Variants in PCDHGA7 observed in about 807,000 individuals in gnomAD.
PCDHGA7 encodes the protein protocadherin gamma-A7.
Under a neutral mutation model 58.3 loss-of-function variants are expected in PCDHGA7, and 44 were observed. The observed-to-expected ratio is 0.75, with a 90% CI of 0.59 to 0.97. PCDHGA7 has a LOEUF of 0.97. PCDHGA7 is among the 50% of genes least tolerant of loss of function. PCDHGA7 has a pLI of 0.00. For synonymous variants in PCDHGA7, 516 were observed against 504.2 expected, an observed-to-expected ratio of 1.02 and a Z score of -0.31; for missense variants, 1,266 against 1,188.7, an observed-to-expected ratio of 1.06 and a Z score of -0.96.
intron 1 of PCDHGA7, chr5:141,400,300 C>T: frequency 6.2e-7 from 1 of 1,614,084 alleles, no homozygotes; most frequent in Non-Finnish European, 8.5e-7. Context: ...CTGCTTCCAA[C>T]CTGGTCTCTG....
At chr5:141,483,648 T>TTGTGTGTGTG (rs111458813) in intron 1 of PCDHGA7, among the ~76,000 whole-genome samples, 23 of 149,708 alleles carry the variant, frequency 1.5e-4, no homozygotes, top group African/African-American at 3.9e-4. Context: ...GGGTGTGTGT[T>TTGTGTGTGTG]TGTGTGTGTG....
chr5:141,499,037 G>A (rs912832519), intron 2 of PCDHGA7, among the ~76,000 whole-genome samples: 1 of 150,904 alleles, frequency 6.6e-6, no homozygotes, highest in South Asian at 2.1e-4. Context: ...AGAAAAGAAA[G>A]AAAAAGGGAG....
chr5:141,399,660 C>A lies in PCDHGA7; in HGVS notation c.2424+14337C>A, dbSNP rs988885728. 11 of 1,613,536 alleles carry A rather than the reference C, an allele frequency of 6.8e-6. No individual in the cohort carries two copies. The highest frequency in any genetic ancestry group is 9.3e-6 in the Non-Finnish European group (11 of 1,179,888). ...TGAGCGCGCAAAGTGGGGTGGTGTT[C>A]GCGCAGCGCGCCTTTGACTACGAGC... is the stretch of plus-strand genomic sequence containing the variant. On this transcript the variant is annotated intron_variant, in intron 1 of 3. Coordinates refer to ENST00000518325, the MANE Select transcript of PCDHGA7 (RefSeq NM_018920.4).
rs765756193 is a variant in PCDHGA7, at chr5:141,511,105, C to T, written c.2731C>T (p.Arg911Trp). The T allele has an allele frequency of 2.8e-5, 46 of 1,614,196 alleles. No individual in the cohort carries two copies. In the East Asian group the frequency reaches 3.1e-4, roughly 11 times the overall value. Residue 911 changes from arginine to tryptophan, a missense_variant, in exon 4 of 4, where the codon CGG becomes TGG. Transcript: ENST00000518325. ...CACACTGACCAACGCAGCTGGCAAG[C>T]GGGATGGCAAGGCCCCAGCAGGTGG... ...NATLTNAAGK[R>W]DGKAPAGGNG...
chr5:141,424,880 C>G (rs2096845847), intron 1 of PCDHGA7, among the ~76,000 whole-genome samples: 1 of 152,162 alleles, frequency 6.6e-6, no homozygotes, highest in Admixed American at 6.5e-5. Context: ...GGAAAGGAGA[C>G]TTATCTAGGG....
chr5:141,423,746 T>G, intron 1 of PCDHGA7: 2 of 384,794 alleles, frequency 5.2e-6, no homozygotes, highest in Non-Finnish European at 6.6e-6. Flanking sequence ...TTATGAAAAC[T>G]GTTTGGGGGG....
chr5:141,408,817 G>T (rs2095174337), intron 1 of PCDHGA7: 2 of 1,613,438 alleles, frequency 1.2e-6, no homozygotes, highest in Admixed American at 1.7e-5. Context: ...GGGAAGAACA[G>T]AGATCTCATA....
In PCDHGA7 at chr5:141,486,143, G is replaced by T; in HGVS notation, c.2425-8664G>T. On this transcript the variant is annotated intron_variant, in intron 1 of 3. Coordinates refer to ENST00000518325, the MANE Select transcript of PCDHGA7 (RefSeq NM_018920.4). This position sits in a 1 kb window ranked among gnomAD's most constrained non-coding sequence, Gnocchi z 5.0. ...CTATGAATTTGATGTGCGGGCTCGC[G>T]ATGGGGGTTCTCCAGCCATGGAGCA... 6.2e-7 allele frequency: 1 copy of T among 1,614,198 alleles called. No homozygotes were observed. Among genetic ancestry groups the T allele is most frequent in the Non-Finnish European group, 8.5e-7 (1 of 1,180,030 alleles).
chr5:141,443,820 T>C (rs1329478151), intron 1 of PCDHGA7, among the ~76,000 whole-genome samples: 1 of 151,986 alleles, frequency 6.6e-6, no homozygotes. Flanking sequence ...TTGGAAAACA[T>C]AATTAGGTAA....
At position 141,383,218 on chromosome 5, in the gene PCDHGA7, A is replaced by C; in HGVS notation, c.319A>C (p.Asn107His). ...AQSARCLVNF[N>H]ILMEDKMNLY... ...GAGTGCGCGGTGTCTGGTAAACTTT[A>C]ACATCCTGATGGAAGATAAAATGAA... Residue 107 changes from asparagine to histidine, a missense_variant, in exon 1 of 4, where the codon AAC (asparagine) becomes CAC (histidine). By Grantham distance (68) the Asn-to-His change is moderately conservative. Coordinates refer to ENST00000518325, the MANE Select transcript of PCDHGA7 (RefSeq NM_018920.4). 6.2e-7 allele frequency: 1 copy of C among 1,614,020 alleles called. No homozygotes were observed. Among genetic ancestry groups the C allele is most frequent in the Non-Finnish European group, 8.5e-7 (1 of 1,179,912 alleles).
At chr5:141,410,393 C>G in intron 1 of PCDHGA7, 3 of 1,614,046 alleles carry the variant, frequency 1.9e-6, no homozygotes, top group Non-Finnish European at 2.5e-6. Flanking sequence ...CCATCCTGGT[C>G]TCTGTGTCAA....
chr5:141,432,070 T>C lies in PCDHGA7; in HGVS notation c.2424+46747T>C. 6.2e-7 allele frequency: 1 copy of C among 1,614,136 alleles called. No homozygotes were observed. The highest frequency in any genetic ancestry group is 2.2e-5 in the East Asian group (1 of 44,860). ...CCCCGCCCCTATCCACGGAAACTCATATCTCGCTGAACGTGGCAGACACCA... is the reference window on the plus strand; with the variant it reads ...CCCCGCCCCTATCCACGGAAACTCACATCTCGCTGAACGTGGCAGACACCA... On this transcript the variant is annotated intron_variant, in intron 1 of 3. Transcript: ENST00000518325. The surrounding 1 kb of genome is among the most constrained non-coding windows in gnomAD (Gnocchi z 6.0).
In PCDHGA7 at chr5:141,432,476, A is replaced by C; in HGVS notation, c.2424+47153A>C. 6.2e-7 allele frequency: 1 copy of C among 1,614,080 alleles called. No homozygotes were observed. The highest frequency in any genetic ancestry group is 8.5e-7 in the Non-Finnish European group (1 of 1,180,012). Reference sequence around the variant, plus strand: ...CCCCGCCCTCCCCACGGACGGTTCCACTGGCGTGGAGCTGGCTCCCCGCTC... The same window carrying C: ...CCCCGCCCTCCCCACGGACGGTTCCCCTGGCGTGGAGCTGGCTCCCCGCTC... On this transcript the variant is annotated intron_variant, in intron 1 of 3. Transcript: ENST00000518325. The surrounding 1 kb of genome is among the most constrained non-coding windows in gnomAD (Gnocchi z 6.0).
chr5:141,435,890 A>G (rs2097784923), intron 1 of PCDHGA7, among the ~76,000 whole-genome samples: 1 of 152,176 alleles, frequency 6.6e-6, no homozygotes, highest in Non-Finnish European at 1.5e-5. Context: ...AACCCCTTAG[A>G]GAATGAAAGA....
intron 1 of PCDHGA7, among the ~76,000 whole-genome samples, chr5:141,472,313 A>G (rs1411876003): frequency 6.7e-6 from 1 of 150,164 alleles, no homozygotes; most frequent in East Asian, 2.0e-4. Context: ...AAGCCGAGGC[A>G]GGCAGATCAC....
rs747268184 is a variant in PCDHGA7, at chr5:141,489,769, C to A, written c.2425-5038C>A. On this transcript the variant is annotated intron_variant, in intron 1 of 3. Coordinates refer to ENST00000518325, the MANE Select transcript of PCDHGA7 (RefSeq NM_018920.4). This position sits in a 1 kb window ranked among gnomAD's most constrained non-coding sequence, Gnocchi z 4.5. ...CTTTTACACTCTAAGCCCCAACAGC[C>A]ACTTCTCTCTGAATGTGAAGACCCT... The A allele has an allele frequency of 6.2e-7, 1 of 1,614,156 alleles. No individual in the cohort carries two copies. The highest frequency in any genetic ancestry group is 1.1e-5 in the South Asian group (1 of 91,080).
chr5:141,419,358 C>A (rs569760413), intron 1 of PCDHGA7: 1 of 1,613,810 alleles, frequency 6.2e-7, no homozygotes, highest in South Asian at 1.1e-5. Flanking sequence ...GAGTCACGAA[C>A]GCTGTCGTCC....
chr5:141,388,448 C>CA, intron 1 of PCDHGA7: 1 of 1,613,760 alleles, frequency 6.2e-7, no homozygotes, highest in Non-Finnish European at 8.5e-7. Context: ...AATCAGATGG[C>CA]AGTAAATACC....
chr5:141,410,560 A>G (rs769354927), intron 1 of PCDHGA7: 3 of 1,612,824 alleles, frequency 1.9e-6, no homozygotes, highest in African/African-American at 1.3e-5. Flanking sequence ...TTTCTCCTGG[A>G]GCCTTAATTC....
Sources: gnomAD v4.1 joint callset for allele counts (sites outside exome capture counted in the v4.1 genomes callset) on GRCh38, gnomAD v4.1.1 for gene constraint, Gnocchi (gnomAD v3.1) non-coding constraint, MANE v1.5 for transcripts, NCBI Gene and HGNC (gene_info 2026-07-23, HGNC 2026-07-21) for gene names.